TBCCD1: variants seen among roughly 807,000 people sequenced by gnomAD.
The protein encoded by TBCCD1 is TBCC domain-containing protein 1.
Under a neutral mutation model 53.4 loss-of-function variants are expected in TBCCD1, and 26 were observed. The ratio of observed to expected loss-of-function variants is 0.49; its 90% CI spans 0.36 to 0.68. The LOEUF (loss-of-function observed/expected upper bound fraction) is 0.68. Among genes scored for constraint, TBCCD1 ranks in the 30% least tolerant of loss-of-function variants. The pLI, the probability that TBCCD1 is intolerant of heterozygous loss-of-function variation, is 0.00. For missense variants in TBCCD1, 558 were observed against 669.5 expected (o/e 0.83, Z 1.84); for synonymous variants, 245 against 241.7 (o/e 1.01, Z -0.13).
chr3:186,560,194 G>A (rs1451962740), intron 2 of TBCCD1, among the ~76,000 whole-genome samples: 1 of 151,572 alleles, frequency 6.6e-6, no homozygotes, highest in African/African-American at 2.4e-5. Flanking sequence ...AAAGCATCTG[G>A]TACATAAAAA....
chr3:186,564,445 C>G (rs1714771374), intron 1 of TBCCD1, 73 bp from the exon 2 acceptor site: 1 of 986,782 alleles, frequency 1.0e-6, no homozygotes, highest in South Asian at 1.7e-5. Flanking sequence ...GGAAGGTGAC[C>G]CCTCTCTCTC....
intron 7 of TBCCD1, among the ~76,000 whole-genome samples, chr3:186,548,822 T>C (rs932453456): frequency 6.6e-6 from 1 of 152,120 alleles, no homozygotes; most frequent in Non-Finnish European, 1.5e-5. Flanking sequence ...CAATACTGTG[T>C]GATCTTGAAA....
In TBCCD1 at chr3:186,551,140, T is replaced by C. The variant is rs767816054; in HGVS notation, c.*10A>G. On this transcript the variant is annotated 3_prime_UTR_variant, in exon 7 of 8. Coordinates refer to ENST00000338733, the MANE Select transcript of TBCCD1 (RefSeq NM_018138.5). ...GTATAAATGCCTACCAGTGTCTGCATGTAAGATCCTTATCCAGCTGCTTGT... is the reference window on the plus strand; with the variant it reads ...GTATAAATGCCTACCAGTGTCTGCACGTAAGATCCTTATCCAGCTGCTTGT... 2.5e-6 allele frequency: 4 copies of C among 1,609,218 alleles called. No homozygotes were observed. Among genetic ancestry groups the C allele is most frequent in the Admixed American group, 3.4e-5 (2 of 59,298 alleles).
intron 6 of TBCCD1, among the ~76,000 whole-genome samples, 154 bp downstream of exon 6, chr3:186,554,100 G>A (rs567651359): frequency 2.6e-5 from 4 of 152,286 alleles, no homozygotes; most frequent in South Asian, 4.1e-4. Context: ...CACCCACCTC[G>A]GCCTCCCAAA....
chr3:186,559,014 G>A (rs994552828), intron 2 of TBCCD1, among the ~76,000 whole-genome samples: 7 of 152,180 alleles, frequency 4.6e-5, no homozygotes, highest in African/African-American at 1.2e-4. Flanking sequence ...CAAAGTGCTG[G>A]GATTACAGGC....
chr3:186,567,285 C>G lies in TBCCD1; in HGVS notation c.-62G>C, dbSNP rs553935852. 1 of 153,038 alleles carries G rather than the reference C, an allele frequency of 6.5e-6. No homozygotes were observed. The highest frequency in any genetic ancestry group is 1.5e-5 in the Non-Finnish European group (1 of 68,746). The allele number at this position is 153,038 out of a possible 1,614,324, so 9.5% of individuals were successfully genotyped here. A position where few individuals can be genotyped will look rare whatever the true frequency, so the allele number is the denominator to read the frequency against. ...CGGTTACCTGCTAATGCAGGCGCCG[C>G]TCCGCCGCACTTCTCCGCGCGCCGC... On this transcript the variant is annotated 5_prime_UTR_variant, in exon 1 of 8. Transcript: ENST00000338733.
chr3:186,567,222 G>A (rs1336875872), intron 1 of TBCCD1, 45 bp downstream of exon 1: 1 of 152,300 alleles, frequency 6.6e-6, no homozygotes, highest in Non-Finnish European at 1.5e-5. Flanking sequence ...CCTGAAGCCT[G>A]ACTAACCCAC....
At position 186,567,286 on chromosome 3, in the gene TBCCD1, T is replaced by C. The variant is rs528338205; in HGVS notation, c.-63A>G. ...GGTTACCTGCTAATGCAGGCGCCGCTCCGCCGCACTTCTCCGCGCGCCGCC... is the reference window on the plus strand; with the variant it reads ...GGTTACCTGCTAATGCAGGCGCCGCCCCGCCGCACTTCTCCGCGCGCCGCC... On this transcript the variant is annotated 5_prime_UTR_variant, in exon 1 of 8. Coordinates refer to ENST00000338733, the MANE Select transcript of TBCCD1 (RefSeq NM_018138.5). The C allele has an allele frequency of 1.3e-5, 2 of 152,960 alleles. No individual in the cohort carries two copies. Among genetic ancestry groups the C allele is most frequent in the African/African-American group, 4.8e-5 (2 of 41,538 alleles). 9.5% of individuals were successfully genotyped at this position (152,960 alleles called of 1,614,324 possible).
chr3:186,556,919 C>T (rs975357781), intron 3 of TBCCD1, 144 bp from the exon 4 acceptor site: 13 of 1,051,456 alleles, frequency 1.2e-5, no homozygotes, highest in East Asian at 1.1e-4. Context: ...AAAGGTGATC[C>T]GCCCGGCTTG....
Position 186,558,584 on chromosome 3 carries a change from GA to G in TBCCD1, c.337-13del. 1 of 1,610,484 alleles carries G rather than the reference GA, an allele frequency of 6.2e-7. No individual in the cohort carries two copies. The highest frequency in any genetic ancestry group is 8.5e-7 in the Non-Finnish European group (1 of 1,178,680). The stretch of plus-strand genomic sequence containing the variant: ...GTGTCCACTGAAAGCTGTCCAAGAA[GA>G]AAATAAAAGATGAATAGACGTTTTA... On this transcript the variant is annotated splice_polypyrimidine_tract_variant and intron_variant, in intron 2 of 7. Coordinates refer to ENST00000338733, the MANE Select transcript of TBCCD1 (RefSeq NM_018138.5).
intron 2 of TBCCD1, among the ~76,000 whole-genome samples, chr3:186,559,111 C>G (rs1275630360): frequency 2.0e-5 from 3 of 152,028 alleles, no homozygotes; most frequent in Admixed American, 2.0e-4. Context: ...ACATCTATGG[C>G]TATAGAAATT....
upstream of TBCCD1, among the ~76,000 whole-genome samples, chr3:186,568,458 C>G (rs989125353): frequency 6.6e-6 from 1 of 152,194 alleles, no homozygotes; most frequent in African/African-American, 2.4e-5. Context: ...ATCACCATCC[C>G]AGTAACTTTG....
intron 2 of TBCCD1, among the ~76,000 whole-genome samples, chr3:186,563,722 G>T (rs1714746057): frequency 6.6e-6 from 1 of 152,088 alleles, no homozygotes; most frequent in Non-Finnish European, 1.5e-5. Context: ...AGATTACAAT[G>T]GCCATTAGCC....
At chr3:186,561,006 A>G (rs1714674177) in intron 2 of TBCCD1, among the ~76,000 whole-genome samples, 1 of 152,250 alleles carries the variant, frequency 6.6e-6, no homozygotes, top group African/African-American at 2.4e-5. Context: ...TAAGGGGTGA[A>G]ATGGTAAAAC....
intron 2 of TBCCD1, among the ~76,000 whole-genome samples, chr3:186,559,263 A>C (rs1036204075): frequency 6.6e-6 from 1 of 152,254 alleles, no homozygotes; most frequent in African/African-American, 2.4e-5. Context: ...AATTCAGTTA[A>C]GACAGAGGTC....
At chr3:186,568,732 C>A (rs1180316443), upstream of TBCCD1, among the ~76,000 whole-genome samples, 3 of 151,948 alleles carry the variant, frequency 2.0e-5, no homozygotes, top group Non-Finnish European at 2.9e-5. Flanking sequence ...TAAACCCAGT[C>A]TCTACTAAAA....
chr3:186,557,261 T>C (rs554348158), intron 3 of TBCCD1, among the ~76,000 whole-genome samples: 1 of 152,348 alleles, frequency 6.6e-6, no homozygotes, highest in African/African-American at 2.4e-5. Context: ...TTCAGAAACA[T>C]GCATTATTAT....
chr3:186,547,384 T>C (rs548560570), intron 7 of TBCCD1, among the ~76,000 whole-genome samples: 1 of 151,564 alleles, frequency 6.6e-6, no homozygotes, highest in Admixed American at 6.6e-5. Flanking sequence ...GTGTCCAGAG[T>C]AGCTGGGATT....
chr3:186,559,445 A>G (rs1234858294), intron 2 of TBCCD1, among the ~76,000 whole-genome samples: 36 of 152,142 alleles, frequency 2.4e-4, no homozygotes, highest in Admixed American at 2.3e-3. Flanking sequence ...GGTCTGATAG[A>G]TGTATAGTCA....
Sources: allele counts gnomAD v4.1 joint callset (sites outside exome capture counted in the v4.1 genomes callset), GRCh38; gene constraint gnomAD v4.1.1; transcripts MANE v1.5; gene names NCBI Gene and HGNC (gene_info 2026-07-23, HGNC 2026-07-21).